The following PRMT3 variants were observed in gnomAD, a reference collection of about 807,000 sequenced individuals.
PRMT3 encodes the protein protein arginine methyltransferase 3.
PRMT3 carries 62 observed loss-of-function variants against 71.9 expected under a neutral mutation model. The ratio of observed to expected loss-of-function variants is 0.86; its 90% CI spans 0.70 to 1.07. PRMT3 has a LOEUF of 1.07. PRMT3 is among the 50% of genes least tolerant of loss of function. The pLI, the probability that PRMT3 is intolerant of heterozygous loss-of-function variation, is 0.00. For missense variants in PRMT3, 663 were observed against 643.0 expected, an observed-to-expected ratio of 1.03 and a Z score of -0.34; for synonymous variants, 213 against 220.4, an observed-to-expected ratio of 0.97 and a Z score of 0.30.
intron 10 of PRMT3, among the ~76,000 whole-genome samples, chr11:20,427,595 G>A (rs1207416280): frequency 6.6e-6 from 1 of 151,790 alleles, no homozygotes; most frequent in Non-Finnish European, 1.5e-5. Context: ...CGTAGTGGCA[G>A]GCACCTGTAA....
intron 10 of PRMT3, among the ~76,000 whole-genome samples, chr11:20,448,917 C>A (rs1055607057): frequency 6.6e-6 from 1 of 152,122 alleles, no homozygotes; most frequent in African/African-American, 2.4e-5. Context: ...CCAGATGGCA[C>A]CCCTACAGGT....
rs1050831042 is a variant in PRMT3 at position 20,504,975 on chromosome 11, C to T, written c.1487-3329C>T. Among the ~76,000 whole-genome samples the T allele has an allele frequency of 5.3e-5, 8 of 152,140 alleles. No homozygotes were observed. The East Asian group carries it at 1.4e-3, about 26-fold the overall frequency. The stretch of plus-strand genomic sequence containing the variant: ...CTCGAATTCCTTGTCTCAAGTGATC[C>T]GCCCACCTTGGCCTCCCAAGGTGCT... On this transcript the variant is annotated intron_variant, in intron 15 of 15. Transcript: ENST00000331079.
Position 20,464,459 on chromosome 11 carries a change from G to T in PRMT3, c.1261-1G>T. On this transcript the variant is annotated splice_acceptor_variant, in intron 12 of 15. Transcript: ENST00000331079. LOFTEE classifies it high-confidence loss of function. ...TTTCTTCACTTCTTTTTAATGGGTAGCATATAGATTGCCATACGACGTCTA... is the reference window on the plus strand; with the variant it reads ...TTTCTTCACTTCTTTTTAATGGGTATCATATAGATTGCCATACGACGTCTA... 3.1e-6 allele frequency: 5 copies of T among 1,603,450 alleles called. No individual in the cohort carries two copies. Among genetic ancestry groups the T allele is most frequent in the Non-Finnish European group, 4.3e-6 (5 of 1,175,536 alleles).
chr11:20,497,685 T>C (rs1435699167), intron 15 of PRMT3, among the ~76,000 whole-genome samples: 1 of 152,130 alleles, frequency 6.6e-6, no homozygotes, highest in Non-Finnish European at 1.5e-5. Context: ...AGTAATAAGA[T>C]GTGTATATGT....
At chr11:20,410,911 C>T (rs897381142) in intron 9 of PRMT3, among the ~76,000 whole-genome samples, 4 of 152,020 alleles carry the variant, frequency 2.6e-5, no homozygotes, top group Non-Finnish European at 5.9e-5. Context: ...TCCATGTACT[C>T]AAATACAATA....
chr11:20,418,275 T>G (rs1031045115), intron 9 of PRMT3, among the ~76,000 whole-genome samples: 1 of 152,220 alleles, frequency 6.6e-6, no homozygotes, highest in Non-Finnish European at 1.5e-5. Flanking sequence ...TGGTTTATAC[T>G]GAAGTAGGGT....
chr11:20,482,558 G>A (rs185632348), intron 13 of PRMT3, among the ~76,000 whole-genome samples: 1 of 152,160 alleles, frequency 6.6e-6, no homozygotes, highest in East Asian at 1.9e-4. Context: ...TATCACAGAG[G>A]CTGTCAATTA....
At chr11:20,455,788 G>A (rs1269698098) in intron 11 of PRMT3, among the ~76,000 whole-genome samples, 1 of 151,694 alleles carries the variant, frequency 6.6e-6, no homozygotes, top group Non-Finnish European at 1.5e-5. Flanking sequence ...GACTATACAT[G>A]GCATCTCATA....
At chr11:20,433,663 C>T (rs1849702639) in intron 10 of PRMT3, among the ~76,000 whole-genome samples, 1 of 151,980 alleles carries the variant, frequency 6.6e-6, no homozygotes, top group Non-Finnish European at 1.5e-5. Context: ...CTCTGTCTCC[C>T]AGGCTGGAGT....
chr11:20,449,690 A>C (rs1850106621), intron 10 of PRMT3, among the ~76,000 whole-genome samples: 1 of 152,158 alleles, frequency 6.6e-6, no homozygotes. Flanking sequence ...TGTCAGTTTT[A>C]ATTTTAGAAA....
chr11:20,415,765 A>G (rs915619776), intron 9 of PRMT3, among the ~76,000 whole-genome samples: 4 of 152,162 alleles, frequency 2.6e-5, no homozygotes, highest in African/African-American at 9.7e-5. Flanking sequence ...CATATTGTCA[A>G]CCTGCTTCAT....
intron 9 of PRMT3, among the ~76,000 whole-genome samples, chr11:20,412,399 C>G (rs75358988): frequency 2.3e-3 from 3 of 1,328 alleles, no homozygotes; most frequent in Admixed American, 5.9e-3. Flanking sequence ...TAGTCTGAAC[C>G]CCCCCCCCAC....
Position 20,508,335 on chromosome 11 carries a change from C to T in PRMT3, c.1518C>T (p.His506=), listed in dbSNP as rs1851644275. 6.2e-7 allele frequency: 1 copy of T among 1,611,130 alleles called. No homozygotes were observed. The highest frequency in any genetic ancestry group is 1.3e-5 in the African/African-American group (1 of 74,848). ...CCTTGAAAGGAAAGGTCACAGTTCACAAGAATAAGAAAGATCCACGTTCTC... is the reference window on the plus strand; with the variant it reads ...CCTTGAAAGGAAAGGTCACAGTTCATAAGAATAAGAAAGATCCACGTTCTC... ...GEALKGKVTV[H]KNKKDPRSLT... is the part of the protein sequence containing the mutation. The change falls in exon 16 of 16, where the codon CAC becomes CAT. Residue 506 remains histidine (H), a synonymous_variant. Coordinates refer to ENST00000331079, the MANE Select transcript of PRMT3 (RefSeq NM_005788.4).
rs952074295 is a variant in PRMT3 at position 20,392,358 on chromosome 11, C to A, written c.297+98C>A. On this transcript the variant is annotated intron_variant, in intron 4 of 15. Coordinates refer to ENST00000331079, the MANE Select transcript of PRMT3 (RefSeq NM_005788.4). ...TTATTTAAAAGAATATGAGGAACTG[C>A]ATTAAATTTGGTACTCATCATATTG... The A allele has an allele frequency of 3.1e-6, 4 of 1,289,314 alleles. No homozygotes were observed. The Admixed American group carries it at 1.1e-4, about 35-fold the overall frequency. The allele number at this position is 1,289,314 out of a possible 1,614,324, so 79.9% of individuals were successfully genotyped here.
At chr11:20,388,218 C>T (rs947574949) in intron 2 of PRMT3, 64 bp downstream of exon 2, 8 of 1,602,774 alleles carry the variant, frequency 5.0e-6, no homozygotes, top group East Asian at 4.5e-5. Flanking sequence ...TCTGTGTGCC[C>T]AGGAACGCCT....
At chr11:20,424,664 AATG>A (rs1357487389) in intron 9 of PRMT3, among the ~76,000 whole-genome samples, 1 of 152,236 alleles carries the variant, frequency 6.6e-6, no homozygotes, top group African/African-American at 2.4e-5. Flanking sequence ...AAAAGAAAAA[AATG>A]ATAAGTTGTT....
intron 15 of PRMT3, among the ~76,000 whole-genome samples, chr11:20,507,642 G>A (rs891174778): frequency 6.6e-6 from 1 of 151,930 alleles, no homozygotes; most frequent in Non-Finnish European, 1.5e-5. Context: ...AGCAGGTCAT[G>A]GTGGCGCATG....
chr11:20,484,448 T>G (rs2133440010), intron 13 of PRMT3, among the ~76,000 whole-genome samples: 1 of 152,288 alleles, frequency 6.6e-6, no homozygotes, highest in South Asian at 2.1e-4. Flanking sequence ...TGAATTCCCA[T>G]GTGTTGTGGG....
At chr11:20,475,014 A>C (rs761263087) in intron 13 of PRMT3, among the ~76,000 whole-genome samples, 14 of 152,198 alleles carry the variant, frequency 9.2e-5, no homozygotes, top group Non-Finnish European at 1.8e-4. Context: ...TTAGAAAAGT[A>C]ATAACATTCT....
Sources: allele counts gnomAD v4.1 joint callset (sites outside exome capture counted in the v4.1 genomes callset), GRCh38; gene constraint gnomAD v4.1.1; transcripts MANE v1.5; gene names NCBI Gene and HGNC (gene_info 2026-07-23, HGNC 2026-07-21).